PDE11A: variants seen among roughly 807,000 people sequenced by gnomAD.
PDE11A encodes the protein phosphodiesterase 11A.
PDE11A carries 100 observed loss-of-function variants against 100.5 expected under a neutral mutation model. That is an observed-to-expected ratio of 1.00 (90% CI 0.85 to 1.18). PDE11A has a LOEUF of 1.18. Among genes scored for constraint, PDE11A ranks in the 50% most tolerant of loss-of-function variants. PDE11A has a pLI of 0.00. For missense variants in PDE11A, 1,141 were observed against 1,152.6 expected, an observed-to-expected ratio of 0.99 and a Z score of 0.15; for synonymous variants, 381 against 420.8, an observed-to-expected ratio of 0.91 and a Z score of 1.16.
chr2:177,819,860 T>TTCTCTTTCTC (rs60572849), intron 7 of PDE11A, among the ~76,000 whole-genome samples: 3,954 of 101,312 alleles, frequency 0.039, 192 homozygotes, highest in African/African-American at 0.063. Context: ...CTTTCTCTCT[T>TTCTCTTTCTC]TCTCTCTTTC....
At chr2:177,905,070 A>C (rs1007890401) in intron 3 of PDE11A, 28 bp downstream of exon 3, 17 of 1,139,018 alleles carry the variant, frequency 1.5e-5, no homozygotes, top group South Asian at 1.5e-4. Flanking sequence ...AGTTTTGAGG[A>C]GTGTCAACAA....
intron 9 of PDE11A, among the ~76,000 whole-genome samples, chr2:177,776,257 A>G (rs2082375931): frequency 6.6e-6 from 1 of 152,202 alleles, no homozygotes; most frequent in Non-Finnish European, 1.5e-5. Context: ...TGTCATATGC[A>G]TACTTAAAAT....
chr2:177,875,948 C>T lies in PDE11A; in HGVS notation c.1303-25G>A, dbSNP rs200287956. 1.8e-4 allele frequency: 264 copies of T among 1,434,044 alleles called. 1 individual carries two copies. The African/African-American group carries it at 3.3e-3, about 18-fold the overall frequency. 88.8% of individuals were successfully genotyped at this position (1,434,044 alleles called of 1,614,324 possible). ...CCTGTCGCATAGAAAGATAATAAAT[C>T]CAGGTCAATTAAAGCTTTATTGCCG... is the stretch of plus-strand genomic sequence containing the variant. On this transcript the variant is annotated intron_variant, in intron 4 of 19. Coordinates refer to ENST00000286063, the MANE Select transcript of PDE11A (RefSeq NM_016953.4).
At chr2:177,681,708 G>A (rs902272179) in intron 15 of PDE11A, among the ~76,000 whole-genome samples, 23 of 152,148 alleles carry the variant, frequency 1.5e-4, no homozygotes, top group African/African-American at 5.3e-4. Flanking sequence ...GCTAGTACAG[G>A]CCATGATGGG....
chr2:177,846,525 T>A (rs190971474), intron 5 of PDE11A, among the ~76,000 whole-genome samples: 1 of 152,324 alleles, frequency 6.6e-6, no homozygotes, highest in East Asian at 1.9e-4. Flanking sequence ...TTCCTACAGC[T>A]CATCACCTCC....
chr2:177,888,019 T>C (rs2084469264), intron 4 of PDE11A, among the ~76,000 whole-genome samples: 1 of 152,100 alleles, frequency 6.6e-6, no homozygotes, highest in Non-Finnish European at 1.5e-5. Context: ...TGTAAGTTAA[T>C]AAATGTTCTC....
At chr2:177,780,467 T>C (rs909444194) in intron 9 of PDE11A, among the ~76,000 whole-genome samples, 1 of 152,160 alleles carries the variant, frequency 6.6e-6, no homozygotes, top group Admixed American at 6.5e-5. Context: ...CACCAGCAAC[T>C]TACCATAGCC....
rs530170849 is a variant in PDE11A, at chr2:177,751,558, C to A, written c.1788+17765G>T. 2.0e-5 allele frequency among the ~76,000 whole-genome samples: 3 copies of A among 152,228 alleles called. No individual in the cohort carries two copies. In the East Asian group the frequency reaches 5.8e-4, roughly 29 times the overall value. ...TGGGAAGTGGGAGCTGGGGAAGAAG[C>A]CTGGGAGGTGGAGCCTCAGAAAGCT... is the stretch of plus-strand genomic sequence containing the variant. On this transcript the variant is annotated intron_variant, in intron 10 of 19. Transcript: ENST00000286063.
intron 1 of PDE11A, among the ~76,000 whole-genome samples, chr2:178,071,048 A>G (rs2087119981): frequency 2.6e-5 from 4 of 152,204 alleles, no homozygotes; most frequent in East Asian, 1.9e-4. Context: ...GAAGTAGTTA[A>G]GCACTTTGTT....
intron 13 of PDE11A, among the ~76,000 whole-genome samples, chr2:177,702,314 CA>C (rs11352844): frequency 0.74 from 103,965 of 140,656 alleles, 37,714 homozygotes; most frequent in East Asian, 0.82. Flanking sequence ...GACTCCGTCT[CA>C]AAAAAAAAAA....
chr2:178,069,094 A>G (rs566126434), intron 1 of PDE11A, among the ~76,000 whole-genome samples: 2 of 152,350 alleles, frequency 1.3e-5, no homozygotes, highest in South Asian at 4.1e-4. Context: ...AAAGAATATC[A>G]GCAAACTAGG....
chr2:177,703,485 T>A (rs189168394), intron 13 of PDE11A, among the ~76,000 whole-genome samples: 23 of 152,294 alleles, frequency 1.5e-4, no homozygotes, highest in African/African-American at 5.1e-4. Flanking sequence ...CCATTTTTAC[T>A]AAGCTGATTG....
intron 10 of PDE11A, among the ~76,000 whole-genome samples, chr2:177,762,841 C>G (rs2082187901): frequency 6.6e-6 from 1 of 152,126 alleles, no homozygotes; most frequent in Non-Finnish European, 1.5e-5. Context: ...GTCAGGGTCA[C>G]CACAGGATGT....
intron 2 of PDE11A, among the ~76,000 whole-genome samples, chr2:178,098,832 A>G (rs1403999584): frequency 1.3e-5 from 2 of 152,214 alleles, no homozygotes; most frequent in Non-Finnish European, 2.9e-5. Context: ...TACTGCATCC[A>G]CTAACAAAAT....
chr2:178,016,947 C>A (rs1297560102), intron 1 of PDE11A, among the ~76,000 whole-genome samples: 1 of 152,176 alleles, frequency 6.6e-6, no homozygotes, highest in Non-Finnish European at 1.5e-5. Flanking sequence ...GATCTTGAAG[C>A]AGAAGAATAG....
rs576602740 is a variant in PDE11A, at chr2:178,012,826, G to A, written c.1071+1476C>T. On this transcript the variant is annotated intron_variant, in intron 2 of 19. Coordinates refer to ENST00000286063, the MANE Select transcript of PDE11A (RefSeq NM_016953.4). The stretch of plus-strand genomic sequence containing the variant: ...CTGTGTACAAACTGAACTGTTAGGG[G>A]TATGGTATGGGTATGTAGTGGTTAT... Among the ~76,000 whole-genome samples, 4 of 152,294 alleles carry A rather than the reference G, an allele frequency of 2.6e-5. No homozygotes were observed. In the South Asian group the frequency reaches 8.3e-4, roughly 32 times the overall value.
rs780363626 is a variant in PDE11A, at chr2:178,071,698, G to A, written c.740C>T (p.Ala247Val). Reference sequence around the variant, plus strand: ...GGAGACCAAGGTCTTCTTGCCAGCAGCTGCCCCTTCCACCAGGAAAAGAGA... The same window carrying A: ...GGAGACCAAGGTCTTCTTGCCAGCAACTGCCCCTTCCACCAGGAAAAGAGA... Reference protein sequence around the residue: ...RCSLFLVEGAAAGKKTLVSKF... With the variant: ...RCSLFLVEGAVAGKKTLVSKF... The change falls in exon 1 of 20, where the codon GCT (alanine) becomes GTT (valine). Residue 247 changes from alanine (A) to valine (V), a missense_variant. Transcript: ENST00000286063. 1.2e-6 allele frequency: 2 copies of A among 1,613,704 alleles called. No individual in the cohort carries two copies. The highest frequency in any genetic ancestry group is 4.5e-5 in the East Asian group (2 of 44,892).
At chr2:177,925,468 C>T (rs1285618727) in intron 2 of PDE11A, among the ~76,000 whole-genome samples, 1 of 152,062 alleles carries the variant, frequency 6.6e-6, no homozygotes, top group African/African-American at 2.4e-5. Context: ...ATTTGCATTT[C>T]TCTGATGGCC....
chr2:177,658,237 G>A (rs2080419671), intron 19 of PDE11A, among the ~76,000 whole-genome samples: 1 of 152,148 alleles, frequency 6.6e-6, no homozygotes, highest in African/African-American at 2.4e-5. Context: ...CTAGATGTCA[G>A]CTGGGGAGGA....
Sources: gnomAD v4.1 joint callset for allele counts (sites outside exome capture counted in the v4.1 genomes callset) on GRCh38, gnomAD v4.1.1 for gene constraint, MANE v1.5 for transcripts, NCBI Gene and HGNC (gene_info 2026-07-23, HGNC 2026-07-21) for gene names.